The following UBAC2 variants were observed in gnomAD, a reference collection of about 807,000 sequenced individuals.
The protein encoded by UBAC2 is UBA domain containing 2, also known as ubiquitin-associated domain-containing protein 2.
Under a neutral mutation model 44.0 loss-of-function variants are expected in UBAC2, and 26 were observed. That is an observed-to-expected ratio of 0.59 (90% confidence interval 0.43 to 0.82). UBAC2 has a LOEUF of 0.82. Among genes scored for constraint, UBAC2 ranks in the 40% least tolerant of loss-of-function variants. The probability of loss-of-function intolerance (pLI) is 0.00; values close to 1 mark genes in which losing one functional copy is unlikely to be tolerated. For synonymous variants in UBAC2, 155 were observed against 154.3 expected, an observed-to-expected ratio of 1.00 and a Z score of -0.04; for missense variants, 329 against 419.4, an observed-to-expected ratio of 0.78 and a Z score of 1.88.
At chr13:99,340,088 C>G (rs1011649694) in intron 6 of UBAC2, among the ~76,000 whole-genome samples, 1 of 152,144 alleles carries the variant, frequency 6.6e-6, no homozygotes, top group African/African-American at 2.4e-5. Flanking sequence ...TAGAATTTTG[C>G]TAGCTCTTCT....
intron 7 of UBAC2, among the ~76,000 whole-genome samples, chr13:99,361,117 G>A (rs1028048822): frequency 2.0e-5 from 3 of 152,168 alleles, no homozygotes; most frequent in African/African-American, 7.2e-5. Flanking sequence ...AAACCATCAT[G>A]TATGTATGTA....
intron 1 of UBAC2, among the ~76,000 whole-genome samples, chr13:99,208,648 G>A (rs2042903648): frequency 6.6e-6 from 1 of 152,202 alleles, no homozygotes; most frequent in Non-Finnish European, 1.5e-5. Flanking sequence ...CGAAAAAGCG[G>A]TGTGACAGGC....
rs768365665 is a variant in UBAC2, at chr13:99,255,112, A to T, written c.389+10488A>T. ...GTTCTCCCCCGTTCCCAGCATCAGG[A>T]AAGCGAAACAGATGTGGAAGGGCAT... On this transcript the variant is annotated intron_variant, in intron 4 of 8. Transcript: ENST00000403766. 14 of 1,614,022 alleles carry T rather than the reference A, an allele frequency of 8.7e-6. 1 individual carries two copies. The South Asian group carries it at 1.4e-4, about 16-fold the overall frequency.
intron 8 of UBAC2, chr13:99,377,626 A>G (rs551255106): frequency 2.9e-4 from 44 of 152,346 alleles, no homozygotes; most frequent in African/African-American, 9.6e-4. Context: ...TTATAAATAC[A>G]TAAAGTGTAT....
chr13:99,295,591 T>C lies in UBAC2; in HGVS notation c.390-18506T>C. On this transcript the variant is annotated intron_variant, in intron 4 of 8. Transcript: ENST00000403766. This position sits in a 1 kb window ranked among gnomAD's most constrained non-coding sequence, Gnocchi z 4.1. ...GAAGAGATTTAGTTTCTTCAAAGTT[T>C]GGATACTCCATGCATGTAATCCTTT... The C allele has an allele frequency of 6.2e-7, 1 of 1,614,124 alleles. No homozygotes were observed. Among genetic ancestry groups the C allele is most frequent in the East Asian group, 2.2e-5 (1 of 44,884 alleles).
intron 7 of UBAC2, among the ~76,000 whole-genome samples, chr13:99,347,189 A>C (rs765949786): frequency 7.1e-5 from 9 of 126,528 alleles, no homozygotes; most frequent in Non-Finnish European, 1.1e-4. Flanking sequence ...AGAGAGTGCA[A>C]AGAGGGAAAA....
chr13:99,296,471 GA>G (rs1345643633), intron 4 of UBAC2, among the ~76,000 whole-genome samples: 1 of 152,192 alleles, frequency 6.6e-6, no homozygotes, highest in Non-Finnish European at 1.5e-5. Context: ...TGACAGAAGG[GA>G]ATGCACTAAA....
chr13:99,272,662 A>C (rs368015812), intron 4 of UBAC2, among the ~76,000 whole-genome samples: 10 of 152,074 alleles, frequency 6.6e-5, no homozygotes, highest in African/African-American at 2.4e-4. Flanking sequence ...TGGCTGAGAG[A>C]GCTCACTTTG....
chr13:99,301,905 ATATT>A (rs2044262663), intron 4 of UBAC2, among the ~76,000 whole-genome samples: 1 of 152,140 alleles, frequency 6.6e-6, no homozygotes, highest in South Asian at 2.1e-4. Flanking sequence ...TTGCCCTCTA[ATATT>A]TATTTATTTT....
intron 4 of UBAC2, among the ~76,000 whole-genome samples, chr13:99,270,373 G>A (rs60715890): frequency 0.011 from 1,622 of 152,280 alleles, 31 homozygotes; most frequent in African/African-American, 0.038. Flanking sequence ...GAATGCACAT[G>A]TATGTAAATG....
chr13:99,331,995 G>T (rs952925219), intron 6 of UBAC2, among the ~76,000 whole-genome samples: 1 of 152,036 alleles, frequency 6.6e-6, no homozygotes, highest in African/African-American at 2.4e-5. Flanking sequence ...CTATGTGCTG[G>T]GGCTCAGTTG....
At chr13:99,373,178 T>G (rs1318403917) in intron 8 of UBAC2, among the ~76,000 whole-genome samples, 2 of 151,420 alleles carry the variant, frequency 1.3e-5, no homozygotes, top group African/African-American at 2.4e-5. Context: ...ATTGTTTTTT[T>G]TTTTTTTTTT....
At chr13:99,246,758 T>C (rs1258001079) in intron 4 of UBAC2, among the ~76,000 whole-genome samples, 2 of 152,238 alleles carry the variant, frequency 1.3e-5, no homozygotes, top group Non-Finnish European at 2.9e-5. Context: ...AAATCTCAGT[T>C]TGTAGCAAGA....
chr13:99,307,367 G>C (rs944762909), intron 4 of UBAC2: 3 of 152,148 alleles, frequency 2.0e-5, no homozygotes, highest in African/African-American at 7.2e-5. Context: ...GGGTCTCTGT[G>C]TAGTAGCTGT....
chr13:99,215,559 A>G lies in UBAC2; in HGVS notation c.31+14620A>G, dbSNP rs923685998. Reference sequence around the variant, plus strand: ...TTTTGATGCATTTCCTGCCAGTTCAAGTCCCTCTGCGGTGAGGTACTCCAG... The same window carrying G: ...TTTTGATGCATTTCCTGCCAGTTCAGGTCCCTCTGCGGTGAGGTACTCCAG... On this transcript the variant is annotated intron_variant, in intron 1 of 8. Coordinates refer to ENST00000403766, the MANE Select transcript of UBAC2 (RefSeq NM_001144072.2). 21 of 1,448,722 alleles carry G rather than the reference A, an allele frequency of 1.4e-5. No homozygotes were observed. The African/African-American group carries it at 1.7e-4, about 12-fold the overall frequency. The allele number at this position is 1,448,722 out of a possible 1,614,324, so 89.7% of individuals were successfully genotyped here. A position where few individuals can be genotyped will look rare whatever the true frequency, so the allele number is the denominator to read the frequency against.
At chr13:99,324,238 C>T (rs34647733) in intron 6 of UBAC2, among the ~76,000 whole-genome samples, 96 of 152,192 alleles carry the variant, frequency 6.3e-4, no homozygotes, top group Non-Finnish European at 1.1e-3. Flanking sequence ...TGTTCTGCCC[C>T]TCTCTACTGA....
chr13:99,312,065 T>C (rs923262814), intron 4 of UBAC2, among the ~76,000 whole-genome samples: 8 of 152,274 alleles, frequency 5.3e-5, no homozygotes, highest in African/African-American at 1.9e-4. Context: ...TTTGCTGCGT[T>C]TGTGTTGATA....
chr13:99,304,017 C>T lies in UBAC2; in HGVS notation c.390-10080C>T, dbSNP rs573846778. ...TGTGTGCCATTCCCGCCCTTCTGCC[C>T]GCAGCCACGGCAGCAGCTTCCCGCC... On this transcript the variant is annotated intron_variant, in intron 4 of 8. Coordinates refer to ENST00000403766, the MANE Select transcript of UBAC2 (RefSeq NM_001144072.2). Among the ~76,000 whole-genome samples, 182 of 152,180 alleles carry T rather than the reference C, an allele frequency of 1.2e-3. 6 individuals are homozygous for T. The highest frequency in any genetic ancestry group is 0.012 in the Admixed American group (177 of 15,282).
At chr13:99,368,220 G>A (rs1047982921) in intron 8 of UBAC2, among the ~76,000 whole-genome samples, 12 of 152,182 alleles carry the variant, frequency 7.9e-5, no homozygotes, top group African/African-American at 2.2e-4. Context: ...ACAAGGAGGT[G>A]GGAGGATGGG....
Sources: gnomAD v4.1 joint callset for allele counts (sites outside exome capture counted in the v4.1 genomes callset) on GRCh38, gnomAD v4.1.1 for gene constraint, Gnocchi (gnomAD v3.1) non-coding constraint, MANE v1.5 for transcripts, NCBI Gene and HGNC (gene_info 2026-07-23, HGNC 2026-07-21) for gene names.